LUZP2: variants seen among roughly 807,000 people sequenced by gnomAD.
The protein encoded by LUZP2 is leucine zipper protein 2.
In LUZP2, 52 loss-of-function variants were observed where a neutral mutation model predicts 51.6. That is an observed-to-expected ratio of 1.01 (90% confidence interval 0.81 to 1.27). The LOEUF is 1.27. LUZP2 is among the 50% of genes most tolerant of loss of function. The pLI, the probability that LUZP2 is intolerant of heterozygous loss-of-function variation, is 0.00. For synonymous variants in LUZP2, 154 were observed against 137.3 expected, an observed-to-expected ratio of 1.12 and a Z score of -0.85; for missense variants, 436 against 395.4, an observed-to-expected ratio of 1.10 and a Z score of -0.87.
intron 9 of LUZP2, among the ~76,000 whole-genome samples, chr11:25,023,633 T>G (rs892748368): frequency 6.6e-6 from 1 of 152,178 alleles, no homozygotes; most frequent in Non-Finnish European, 1.5e-5. Context: ...CTCTATCTCC[T>G]TGAGTTCTGC....
rs540708135 is a variant in LUZP2, at chr11:24,814,361, C to T, written c.396+51053C>T. Among the ~76,000 whole-genome samples, 3 of 152,174 alleles carry T rather than the reference C, an allele frequency of 2.0e-5. No homozygotes were observed. In the East Asian group the frequency reaches 5.8e-4, roughly 29 times the overall value. On this transcript the variant is annotated intron_variant, in intron 5 of 11. Transcript: ENST00000336930. ...TGAAGGGGTGAATGACAAGTGAGATCAAGTGGTTTCTACCACTAAAAAAGA... is the reference window on the plus strand; with the variant it reads ...TGAAGGGGTGAATGACAAGTGAGATTAAGTGGTTTCTACCACTAAAAAAGA...
At chr11:24,794,528 A>C (rs1590540919) in intron 5 of LUZP2, among the ~76,000 whole-genome samples, 1 of 152,292 alleles carries the variant, frequency 6.6e-6, no homozygotes, top group East Asian at 1.9e-4. Context: ...CTCCTAAGCC[A>C]TGGGAAATAT....
chr11:24,709,967 G>A (rs778967455), intron 1 of LUZP2, among the ~76,000 whole-genome samples: 19 of 152,098 alleles, frequency 1.2e-4, no homozygotes, highest in Non-Finnish European at 2.4e-4. Flanking sequence ...CATGAACCAG[G>A]ATTCAATCCT....
chr11:24,893,353 A>G (rs747036120), intron 5 of LUZP2: 1 of 152,098 alleles, frequency 6.6e-6, no homozygotes, highest in Non-Finnish European at 1.5e-5. Context: ...AAAAATCAAA[A>G]CACACAGAAA....
At chr11:25,045,334 G>A (rs1389599532) in intron 9 of LUZP2, among the ~76,000 whole-genome samples, 2 of 151,202 alleles carry the variant, frequency 1.3e-5, no homozygotes, top group African/African-American at 4.9e-5. Context: ...TCTGATAGAT[G>A]AGCACAAGGA....
At chr11:24,842,742 T>C (rs1851076601) in intron 5 of LUZP2, among the ~76,000 whole-genome samples, 1 of 151,964 alleles carries the variant, frequency 6.6e-6, no homozygotes, top group African/African-American at 2.4e-5. Context: ...AAAATACTGC[T>C]TTAAGATTAT....
chr11:24,919,001 TTATATATAGTTATATA>T, intron 7 of LUZP2, among the ~76,000 whole-genome samples: 11 of 124,678 alleles, frequency 8.8e-5, no homozygotes, highest in African/African-American at 3.2e-4. Flanking sequence ...ATAATATGTA[TTATATATAGTTATATA>T]TACTATATAT....
intron 5 of LUZP2, among the ~76,000 whole-genome samples, chr11:24,770,872 T>G (rs2134050884): frequency 6.6e-6 from 1 of 152,298 alleles, no homozygotes; most frequent in Middle Eastern, 3.4e-3. Flanking sequence ...ACCACTGATT[T>G]GGCTGTCTTG....
intron 4 of LUZP2, among the ~76,000 whole-genome samples, chr11:24,742,827 G>C (rs185239234): frequency 6.6e-6 from 1 of 152,174 alleles, no homozygotes; most frequent in East Asian, 1.9e-4. Flanking sequence ...TATAGTTTCA[G>C]GTCTTAGATA....
chr11:24,558,645 A>G (rs1481118605), intron 1 of LUZP2, among the ~76,000 whole-genome samples: 1 of 152,220 alleles, frequency 6.6e-6, no homozygotes, highest in Non-Finnish European at 1.5e-5. Context: ...CTAGTTCAAT[A>G]GTACTAGGAG....
chr11:24,782,394 G>A (rs186849456), intron 5 of LUZP2, among the ~76,000 whole-genome samples: 117 of 152,114 alleles, frequency 7.7e-4, no homozygotes, highest in Non-Finnish European at 1.4e-3. Context: ...CTATGAGCAG[G>A]AGATAATTTC....
At chr11:24,673,518 C>T (rs114132188) in intron 1 of LUZP2, among the ~76,000 whole-genome samples, 1,570 of 152,250 alleles carry the variant, frequency 0.01, 21 homozygotes, top group African/African-American at 0.034. Flanking sequence ...TTCAGCTAAA[C>T]TTTCTCTCTT....
At chr11:24,897,407 T>C (rs1853108011) in intron 5 of LUZP2, among the ~76,000 whole-genome samples, 1 of 152,196 alleles carries the variant, frequency 6.6e-6, no homozygotes, top group Non-Finnish European at 1.5e-5. Context: ...TTATGAGCTG[T>C]AACACTCATT....
intron 9 of LUZP2, among the ~76,000 whole-genome samples, chr11:25,026,282 A>G (rs1328350755): frequency 1.3e-5 from 2 of 152,194 alleles, no homozygotes; most frequent in Non-Finnish European, 2.9e-5. Flanking sequence ...CCTAGACCTT[A>G]AAGTATAATA....
At chr11:24,839,314 G>A (rs1170537807) in intron 5 of LUZP2, among the ~76,000 whole-genome samples, 1 of 151,622 alleles carries the variant, frequency 6.6e-6, no homozygotes, top group Non-Finnish European at 1.5e-5. Context: ...CACTGATAGT[G>A]TACTAGTTTT....
intron 1 of LUZP2, among the ~76,000 whole-genome samples, chr11:24,562,616 G>A (rs1412771671): frequency 6.6e-6 from 1 of 151,720 alleles, no homozygotes; most frequent in Admixed American, 6.6e-5. Context: ...CAATTTGGGA[G>A]GCTGAGGCGA....
At chr11:24,676,899 T>G (rs563759549) in intron 1 of LUZP2, among the ~76,000 whole-genome samples, 1 of 152,232 alleles carries the variant, frequency 6.6e-6, no homozygotes, top group East Asian at 1.9e-4. Context: ...ACTCCTGAAC[T>G]CAGGTGATCA....
chr11:24,813,025 C>T (rs1850066702), intron 5 of LUZP2, among the ~76,000 whole-genome samples: 1 of 152,146 alleles, frequency 6.6e-6, no homozygotes, highest in African/African-American at 2.4e-5. Context: ...TCTTTGCTCA[C>T]CACATTCAGT....
intron 5 of LUZP2, among the ~76,000 whole-genome samples, chr11:24,773,475 G>C (rs1285594539): frequency 2.0e-5 from 3 of 152,172 alleles, no homozygotes; most frequent in Non-Finnish European, 4.4e-5. Context: ...CATAGCCCCA[G>C]GCTGGTCTAG....
Sources: allele counts gnomAD v4.1 joint callset (sites outside exome capture counted in the v4.1 genomes callset), GRCh38; gene constraint gnomAD v4.1.1; transcripts MANE v1.5; gene names NCBI Gene and HGNC (gene_info 2026-07-23, HGNC 2026-07-21).